The following CDKL5 variants were observed in gnomAD, a reference collection of about 807,000 sequenced individuals.
The protein encoded by CDKL5 is cyclin dependent kinase like 5.
CDKL5 carries 8 observed loss-of-function variants against 61.7 expected under a neutral mutation model. That is an observed-to-expected ratio of 0.13 (90% CI 0.08 to 0.23). The LOEUF is 0.23. Ranked by LOEUF, CDKL5 falls within the 10% of genes least tolerant of loss-of-function variation. The pLI, the probability that CDKL5 is intolerant of heterozygous loss-of-function variation, is 1.00. For missense variants in CDKL5, 440 were observed against 734.5 expected, an observed-to-expected ratio of 0.60 and a Z score of 4.63; for synonymous variants, 275 against 272.3, an observed-to-expected ratio of 1.01 and a Z score of -0.10.
chrX:18,542,658 GA>G (rs200887114), intron 3 of CDKL5, among the ~76,000 whole-genome samples: 1,073 of 104,720 alleles, frequency 0.01, 13 homozygotes, highest in African/African-American at 0.036. Flanking sequence ...CTAATATGAT[GA>G]TTTTTTTTTT....
In CDKL5 at chrX:18,631,502, A is replaced by G; in HGVS notation, c.*2745A>G. 1 of 754,566 alleles carries G rather than the reference A, an allele frequency of 1.3e-6. No homozygotes were observed. Among genetic ancestry groups the G allele is most frequent in the Non-Finnish European group, 1.6e-6 (1 of 639,425 alleles). 62.2% of individuals were successfully genotyped at this position (754,566 alleles called of 1,213,427 possible). ...ACTGTTGTTTTCCCCTGTTGATGAA[A>G]AATTACTGACATCACAAAGATTGCC... On this transcript the variant is annotated 3_prime_UTR_variant, in exon 18 of 18. Coordinates refer to ENST00000623535, the MANE Select transcript of CDKL5 (RefSeq NM_001323289.2).
At chrX:18,613,029 A>G in intron 14 of CDKL5, 123 bp from the exon 15 acceptor site, 2 of 530,368 alleles carry the variant, frequency 3.8e-6, no homozygotes, top group South Asian at 5.5e-5. Context: ...TGGGAGGTCA[A>G]GGCTGCACTG....
At chrX:18,597,621 CAG>C (rs1204526153) in intron 10 of CDKL5, among the ~76,000 whole-genome samples, 1 of 70,334 alleles carries the variant, frequency 1.4e-5, no homozygotes, top group Non-Finnish European at 2.5e-5. Context: ...TTTTTTGAGA[CAG>C]AGTTTCACTC....
chrX:18,426,015 G>C (rs1194701137), intron 1 of CDKL5, among the ~76,000 whole-genome samples: 1 of 111,151 alleles, frequency 9.0e-6, no homozygotes, highest in East Asian at 2.9e-4. Flanking sequence ...CCCCTCAGCG[G>C]CGGGTCTGCG....
chrX:18,593,842 TTC>T (rs1380167951), intron 9 of CDKL5, among the ~76,000 whole-genome samples: 2 of 112,656 alleles, frequency 1.8e-5, no homozygotes, highest in East Asian at 5.5e-4. Flanking sequence ...TGTCCTACTT[TTC>T]TCTGTCTTCA....
rs138722120 is a variant in CDKL5, at chrX:18,610,456, T to C, written c.2152+886T>C. Among the ~76,000 whole-genome samples the C allele has an allele frequency of 4.4e-4, 50 of 112,857 alleles. 2 individuals carry two copies. The East Asian group carries it at 0.01, about 23-fold the overall frequency. ...TAACTCTGATGTAACACTGACCACA[T>C]TGCACTGATTCTTTGTCTGAGTTCT... On this transcript the variant is annotated intron_variant, in intron 14 of 17. Transcript: ENST00000623535.
intron 1 of CDKL5, among the ~76,000 whole-genome samples, chrX:18,470,646 A>G (rs771257737): frequency 5.7e-4 from 64 of 111,419 alleles, no homozygotes; most frequent in Non-Finnish European, 1.0e-3. Flanking sequence ...GGTGCTGGGG[A>G]TGGGAATATC....
At chrX:18,493,691 T>C (rs749778218) in intron 1 of CDKL5, among the ~76,000 whole-genome samples, 1 of 111,677 alleles carries the variant, frequency 9.0e-6, no homozygotes, top group African/African-American at 3.2e-5. Flanking sequence ...GGACAATAAC[T>C]CAGACCACAT....
chrX:18,436,512 T>C (rs1343260521), intron 1 of CDKL5, among the ~76,000 whole-genome samples: 2 of 110,767 alleles, frequency 1.8e-5, no homozygotes, highest in Non-Finnish European at 3.8e-5. Context: ...AAGGACCTGG[T>C]CTAGTTGGGG....
At chrX:18,490,487 G>A (rs1379165389) in intron 1 of CDKL5, among the ~76,000 whole-genome samples, 2 of 110,341 alleles carry the variant, frequency 1.8e-5, no homozygotes, top group Non-Finnish European at 3.8e-5. Context: ...AAGCCCTCAG[G>A]TAGGCACATG....
intron 1 of CDKL5, among the ~76,000 whole-genome samples, chrX:18,458,720 CA>C (rs369611875): frequency 3.0e-4 from 30 of 99,026 alleles, no homozygotes; most frequent in Admixed American, 3.3e-4. Flanking sequence ...GACCCTGTCT[CA>C]AAAAAAAAAA....
chrX:18,509,197 G>GCACGCGCGCGCA (rs1204561636), intron 2 of CDKL5, among the ~76,000 whole-genome samples: 66 of 64,308 alleles, frequency 1.0e-3, no homozygotes, highest in East Asian at 4.8e-3. Flanking sequence ...CTCAAAACAC[G>GCACGCGCGCGCA]CACACACACA....
At chrX:18,437,795 T>C (rs1390640965) in intron 1 of CDKL5, among the ~76,000 whole-genome samples, 2 of 112,220 alleles carry the variant, frequency 1.8e-5, no homozygotes, top group Admixed American at 9.5e-5. Context: ...TGTTTCTTTC[T>C]CCGACAATAA....
chrX:18,611,788 T>G (rs1012289726), intron 14 of CDKL5, among the ~76,000 whole-genome samples: 4 of 111,942 alleles, frequency 3.6e-5, no homozygotes, highest in African/African-American at 1.3e-4. Flanking sequence ...ATTTTAAAAA[T>G]TTCAGATATA....
chrX:18,487,743 C>A (rs1350305329), intron 1 of CDKL5, among the ~76,000 whole-genome samples: 1 of 112,667 alleles, frequency 8.9e-6, no homozygotes, highest in Non-Finnish European at 1.9e-5. Context: ...TGGTGAAACA[C>A]TGTCTGTAGT....
intron 3 of CDKL5, among the ~76,000 whole-genome samples, chrX:18,544,402 T>C (rs1407083679): frequency 8.9e-6 from 1 of 112,592 alleles, no homozygotes; most frequent in Middle Eastern, 4.2e-3. Context: ...ATGGTGATAC[T>C]GTTTTTTTAA....
At chrX:18,539,984 G>A (rs1305722975) in intron 3 of CDKL5, among the ~76,000 whole-genome samples, 1 of 111,823 alleles carries the variant, frequency 8.9e-6, no homozygotes, top group African/African-American at 3.2e-5. Context: ...CGTACATTGA[G>A]CACCACATCA....
chrX:18,644,192 G>C (rs999889698), downstream of CDKL5, among the ~76,000 whole-genome samples: 1 of 112,173 alleles, frequency 8.9e-6, no homozygotes, highest in African/African-American at 3.2e-5. Flanking sequence ...TGCTGATATG[G>C]AAACTCAGAC....
chrX:18,622,158 T>G (rs1926907690), intron 16 of CDKL5, among the ~76,000 whole-genome samples: 1 of 112,396 alleles, frequency 8.9e-6, no homozygotes, highest in Non-Finnish European at 1.9e-5. Context: ...ACTTTATTAT[T>G]CAGAATTTAG....
Sources: allele counts gnomAD v4.1 joint callset (sites outside exome capture counted in the v4.1 genomes callset), GRCh38; gene constraint gnomAD v4.1.1; transcripts MANE v1.5; gene names NCBI Gene and HGNC (gene_info 2026-07-23, HGNC 2026-07-21).